Variants in DIAPH1 observed in about 807,000 individuals in gnomAD.
DIAPH1 encodes protein diaphanous homolog 1.
In DIAPH1, 46 loss-of-function variants were observed where a neutral mutation model predicts 140.7. That is an observed-to-expected ratio of 0.33 (90% CI 0.26 to 0.42). The LOEUF (loss-of-function observed/expected upper bound fraction) is 0.42, where lower values mean the gene tolerates loss of function less well. Among genes scored for constraint, DIAPH1 ranks in the 10% least tolerant of loss-of-function variants. The pLI, the probability that DIAPH1 is intolerant of heterozygous loss-of-function variation, is 1.00. For synonymous variants in DIAPH1, 565 were observed against 551.6 expected, an observed-to-expected ratio of 1.02 and a Z score of -0.34; for missense variants, 1,310 against 1,558.7, an observed-to-expected ratio of 0.84 and a Z score of 2.69.
At chr5:141,554,901 G>A (rs1305324462) in intron 18 of DIAPH1, among the ~76,000 whole-genome samples, 2 of 152,040 alleles carry the variant, frequency 1.3e-5, no homozygotes, top group Non-Finnish European at 2.9e-5. Flanking sequence ...TTGACAATGT[G>A]TATATATACC....
chr5:141,574,272 G>T, intron 15 of DIAPH1, 64 bp from the exon 16 acceptor site: 1 of 1,533,460 alleles, frequency 6.5e-7, no homozygotes, highest in Non-Finnish European at 9.0e-7. Flanking sequence ...GGACTGGAAG[G>T]AACCTAATAA....
intron 26 of DIAPH1, among the ~76,000 whole-genome samples, chr5:141,525,796 G>A (rs1471468318): frequency 6.6e-6 from 1 of 152,170 alleles, no homozygotes; most frequent in Admixed American, 6.5e-5. Flanking sequence ...AATCACAGGG[G>A]AATGAGAGAG....
At chr5:141,559,747 T>A (rs1172312266) in intron 18 of DIAPH1, among the ~76,000 whole-genome samples, 1 of 152,032 alleles carries the variant, frequency 6.6e-6, no homozygotes, top group Non-Finnish European at 1.5e-5. Context: ...ACAGGCACTA[T>A]CCCAAACAAG....
At chr5:141,534,281 A>G in intron 19 of DIAPH1, 54 bp downstream of exon 19, 7 of 1,410,020 alleles carry the variant, frequency 5.0e-6, no homozygotes, top group African/African-American at 1.4e-5. Flanking sequence ...AGAATTAAAA[A>G]TTCTTAAAAG....
chr5:141,578,964 A>C, intron 9 of DIAPH1, 124 bp downstream of exon 9: 1 of 826,156 alleles, frequency 1.2e-6, no homozygotes, highest in South Asian at 1.4e-5. Flanking sequence ...CCTTCATAAC[A>C]GATTCTGAAA....
chr5:141,569,639 G>GT (rs2099894858), intron 18 of DIAPH1, among the ~76,000 whole-genome samples: 1 of 152,064 alleles, frequency 6.6e-6, no homozygotes, highest in Non-Finnish European at 1.5e-5. Flanking sequence ...GTGGGTGCCT[G>GT]TAATCCCAGC....
At chr5:141,578,795 G>A (rs1393397616) in intron 9 of DIAPH1, among the ~76,000 whole-genome samples, 170 bp from the exon 10 acceptor site, 4 of 152,098 alleles carry the variant, frequency 2.6e-5, no homozygotes, top group Non-Finnish European at 5.9e-5. Flanking sequence ...GTACAGATCC[G>A]GAGAGCCTAA....
chr5:141,515,375 C>T lies in DIAPH1; in HGVS notation c.*1476G>A, dbSNP rs1182200763. The T allele has an allele frequency of 1.3e-5, 2 of 152,248 alleles. No homozygotes were observed. The highest frequency in any genetic ancestry group is 2.4e-5 in the African/African-American group (1 of 41,446). The allele number at this position is 152,248 out of a possible 1,614,324, so 9.4% of individuals were successfully genotyped here. On this transcript the variant is annotated 3_prime_UTR_variant, in exon 28 of 28. Coordinates refer to ENST00000389054, the MANE Select transcript of DIAPH1 (RefSeq NM_005219.5). Reference sequence around the variant, plus strand: ...AGGCCTCACTATAGTTGCCCTCATGCTTCCTAAGCTCTCTCTTGCTCTAAT... The same window carrying T: ...AGGCCTCACTATAGTTGCCCTCATGTTTCCTAAGCTCTCTCTTGCTCTAAT...
In DIAPH1 at chr5:141,576,338, G is replaced by T. The variant is rs533294972; in HGVS notation, c.1397-44C>A. On this transcript the variant is annotated intron_variant, in intron 13 of 27. Transcript: ENST00000389054. ...AGTAAGTAAAGCTCCTAATTCTCTTGTTCTATTTCTTTCACACTACACCCT... is the reference window on the plus strand; with the variant it reads ...AGTAAGTAAAGCTCCTAATTCTCTTTTTCTATTTCTTTCACACTACACCCT... 9.5e-5 allele frequency: 138 copies of T among 1,459,102 alleles called. 1 individual carries two copies. The highest frequency in any genetic ancestry group is 3.4e-4 in the Middle Eastern group (2 of 5,798). 90.4% of individuals were successfully genotyped at this position (1,459,102 alleles called of 1,614,324 possible). A position where few individuals can be genotyped will look rare whatever the true frequency, so the allele number is the denominator to read the frequency against.
intron 18 of DIAPH1, among the ~76,000 whole-genome samples, chr5:141,556,246 A>G (rs895022782): frequency 6.6e-6 from 1 of 152,102 alleles, no homozygotes; most frequent in Non-Finnish European, 1.5e-5. Flanking sequence ...TCTTTCTGTA[A>G]AAGTCCATGA....
At chr5:141,566,363 G>A (rs1043412854) in intron 18 of DIAPH1, among the ~76,000 whole-genome samples, 1 of 152,150 alleles carries the variant, frequency 6.6e-6, no homozygotes, top group Non-Finnish European at 1.5e-5. Flanking sequence ...TAGAAGAGTG[G>A]ATATGAGTCA....
chr5:141,556,230 A>AT (rs1230185446), intron 18 of DIAPH1, among the ~76,000 whole-genome samples: 2 of 151,882 alleles, frequency 1.3e-5, no homozygotes, highest in Admixed American at 6.6e-5. Flanking sequence ...ACAGTATTAT[A>AT]TTTTTTCTTT....
intron 19 of DIAPH1, among the ~76,000 whole-genome samples, chr5:141,533,344 A>G (rs2099888534): frequency 6.6e-6 from 1 of 152,222 alleles, no homozygotes; most frequent in African/African-American, 2.4e-5. Flanking sequence ...CCTGATCATC[A>G]AATAAGTACT....
intron 23 of DIAPH1, 23 bp from the exon 24 acceptor site, chr5:141,527,720 A>G (rs1429526945): frequency 6.5e-7 from 1 of 1,548,956 alleles, no homozygotes; most frequent in Non-Finnish European, 8.7e-7. Context: ...AAAAAAAAAA[A>G]AACCATAAAA....
chr5:141,559,403 G>C (rs188649131), intron 18 of DIAPH1, among the ~76,000 whole-genome samples: 1 of 152,152 alleles, frequency 6.6e-6, no homozygotes. Context: ...AAATCCCACA[G>C]AACTAGACCA....
In DIAPH1 at chr5:141,578,522, A is replaced by G; in HGVS notation, c.1037T>C (p.Val346Ala). 1.9e-6 allele frequency: 3 copies of G among 1,613,672 alleles called. No individual in the cohort carries two copies. Among genetic ancestry groups the G allele is most frequent in the Non-Finnish European group, 2.5e-6 (3 of 1,179,592 alleles). The change falls in exon 10 of 28, where the codon GTG becomes GCG. Residue 346 changes from valine to alanine, a missense_variant. Around this residue, in one of 3 missense-constraint regions of DIAPH1, gnomAD observed 377 missense variants for 497.1 expected, o/e 0.76. Transcript: ENST00000389054. Reference sequence around the variant, plus strand: ...TGAAGTGTAATATCTTACCTGCAACACCTGATGTAGCCCCAAACGCATCAG... The same window carrying G: ...TGAAGTGTAATATCTTACCTGCAACGCCTGATGTAGCCCCAAACGCATCAG... Reference protein sequence around the residue: ...SELMRLGLHQVLQDLREIENE... With the variant: ...SELMRLGLHQALQDLREIENE...
chr5:141,598,036 A>ACT (rs1251885685), intron 1 of DIAPH1, among the ~76,000 whole-genome samples: 6 of 152,120 alleles, frequency 3.9e-5, no homozygotes, highest in Admixed American at 3.9e-4. Context: ...CCCAGGCCTT[A>ACT]CTTATGTCCT....
At chr5:141,520,165 C>A (rs2099886292) in intron 27 of DIAPH1, among the ~76,000 whole-genome samples, 2 of 152,182 alleles carry the variant, frequency 1.3e-5, no homozygotes, top group African/African-American at 4.8e-5. Flanking sequence ...GAAACTAGGA[C>A]AGATGGGGCA....
intron 23 of DIAPH1, 138 bp downstream of exon 23, chr5:141,528,315 T>G: frequency 8.9e-6 from 11 of 1,236,628 alleles, no homozygotes; most frequent in Non-Finnish European, 1.3e-5. Context: ...CCCTTGTGAC[T>G]TAGGCACCAT....
Sources: gnomAD v4.1 joint callset for allele counts (sites outside exome capture counted in the v4.1 genomes callset) on GRCh38, gnomAD v4.1.1 for gene constraint, gnomAD v4.1.1 regional missense constraint, MANE v1.5 for transcripts, NCBI Gene and HGNC (gene_info 2026-07-23, HGNC 2026-07-21) for gene names.